Variants in RBFOX1 observed in about 807,000 individuals in gnomAD.
RBFOX1 encodes RNA binding fox-1 homolog 1, also known as RNA binding protein fox-1 homolog 1.
RBFOX1 carries 8 observed loss-of-function variants against 57.7 expected under a neutral mutation model. The ratio of observed to expected loss-of-function variants is 0.14; its 90% CI spans 0.08 to 0.25. The LOEUF is 0.25. Ranked by LOEUF, RBFOX1 falls within the 10% of genes least tolerant of loss-of-function variation. RBFOX1 has a pLI of 1.00. For synonymous variants in RBFOX1, 326 were observed against 222.4 expected, an observed-to-expected ratio of 1.47 and a Z score of -4.15; for missense variants, 611 against 548.5, an observed-to-expected ratio of 1.11 and a Z score of -1.14.
rs191172834 is a variant in RBFOX1 at position 7,451,667 on chromosome 16, G to T, written c.28-66480G>T. The stretch of plus-strand genomic sequence containing the variant: ...AAACCTACCTGTCTTTAAATGAGTT[G>T]TTGGCTGCCCCTCCCCCCGCCCCGT... On this transcript the variant is annotated intron_variant, in intron 4 of 15. Coordinates refer to ENST00000550418, the MANE Select transcript of RBFOX1 (RefSeq NM_018723.4). 2.2e-3 allele frequency among the ~76,000 whole-genome samples: 337 copies of T among 151,478 alleles called. 4 individuals carry two copies. The highest frequency in any genetic ancestry group is 7.5e-3 in the African/African-American group (310 of 41,122).
intron 3 of RBFOX1, among the ~76,000 whole-genome samples, chr16:6,898,073 G>T (rs2067407807): frequency 6.6e-6 from 1 of 152,310 alleles, no homozygotes; most frequent in African/African-American, 2.4e-5. Flanking sequence ...ATACTTGGCA[G>T]TTATTTCAAA....
intron 2 of RBFOX1, among the ~76,000 whole-genome samples, chr16:5,553,086 A>T (rs145177580): frequency 1.3e-5 from 2 of 152,254 alleles, no homozygotes; most frequent in African/African-American, 4.8e-5. Context: ...GAACAATGAG[A>T]TCACTTGGAC....
At chr16:5,570,940 T>G (rs1193399641) in intron 2 of RBFOX1, among the ~76,000 whole-genome samples, 1 of 152,158 alleles carries the variant, frequency 6.6e-6, no homozygotes, top group Non-Finnish European at 1.5e-5. Flanking sequence ...GATGCTGAGT[T>G]TGATATTAGC....
intron 3 of RBFOX1, among the ~76,000 whole-genome samples, chr16:6,944,821 C>T (rs1299124105): frequency 2.6e-5 from 4 of 152,198 alleles, no homozygotes; most frequent in African/African-American, 9.6e-5. Flanking sequence ...GACTGGAGGG[C>T]TTTGGGTATG....
intron 1 of RBFOX1, among the ~76,000 whole-genome samples, chr16:5,447,996 C>T (rs1039604789): frequency 1.3e-5 from 2 of 152,160 alleles, no homozygotes; most frequent in Non-Finnish European, 2.9e-5. Flanking sequence ...TCAGCTCTCA[C>T]TTCCTGTTTA....
chr16:6,207,245 C>T (rs1036241139), intron 1 of RBFOX1, among the ~76,000 whole-genome samples: 1 of 152,124 alleles, frequency 6.6e-6, no homozygotes, highest in Admixed American at 6.6e-5. Flanking sequence ...TCTCCTTGTT[C>T]AGTGAAGCAT....
intron 3 of RBFOX1, among the ~76,000 whole-genome samples, chr16:6,703,728 A>G (rs1054285441): frequency 1.3e-5 from 2 of 152,084 alleles, no homozygotes; most frequent in Non-Finnish European, 1.5e-5. Context: ...AAGAAAAGAA[A>G]AAAGAAAGTG....
chr16:5,413,111 G>A (rs1334678580), intron 1 of RBFOX1, among the ~76,000 whole-genome samples: 7 of 152,132 alleles, frequency 4.6e-5, no homozygotes, highest in Admixed American at 1.3e-4. Context: ...CGATGCTTAC[G>A]GTTTCTTTAT....
chr16:5,722,218 GTTA>G (rs934699899), intron 3 of RBFOX1, among the ~76,000 whole-genome samples: 8 of 152,048 alleles, frequency 5.3e-5, no homozygotes, highest in African/African-American at 1.9e-4. Flanking sequence ...AACTGTTGTC[GTTA>G]TTGTTTCCTT....
In RBFOX1 at chr16:5,795,433, A is replaced by T. The variant is rs151220187; in HGVS notation, c.319-71870A>T. On this transcript the variant is annotated intron_variant, in intron 3 of 19. Transcript: ENST00000641259. ...ATCCTCCTGCCTCAGCCTCCCGAGTAGTGGGACCACAGGCACCTACCACCG... is the reference window on the plus strand; with the variant it reads ...ATCCTCCTGCCTCAGCCTCCCGAGTTGTGGGACCACAGGCACCTACCACCG... Among the ~76,000 whole-genome samples, 12 of 152,030 alleles carry T rather than the reference A, an allele frequency of 7.9e-5. No individual in the cohort carries two copies. In the East Asian group the frequency reaches 2.3e-3, roughly 30 times the overall value.
chr16:7,643,768 C>G (rs1486500966), intron 11 of RBFOX1, among the ~76,000 whole-genome samples: 2 of 152,264 alleles, frequency 1.3e-5, no homozygotes, highest in East Asian at 1.9e-4. Flanking sequence ...GTGGTGATCC[C>G]TATGGCCGGC....
At chr16:6,029,074 G>A (rs564998206) in intron 1 of RBFOX1, among the ~76,000 whole-genome samples, 2 of 152,242 alleles carry the variant, frequency 1.3e-5, no homozygotes, top group South Asian at 2.1e-4. Context: ...ACAGACTTCC[G>A]AGCTAGTCAC....
chr16:5,886,317 G>A (rs949640403), intron 4 of RBFOX1, among the ~76,000 whole-genome samples: 1 of 152,124 alleles, frequency 6.6e-6, no homozygotes, highest in African/African-American at 2.4e-5. Flanking sequence ...GTGGTTATGA[G>A]GATTAAATAA....
intron 3 of RBFOX1, among the ~76,000 whole-genome samples, chr16:5,693,630 G>A (rs1366111025): frequency 6.6e-6 from 1 of 152,154 alleles, no homozygotes; most frequent in Non-Finnish European, 1.5e-5. Flanking sequence ...CAGTGTGGGT[G>A]TTTGTGAAAG....
chr16:6,772,426 G>A (rs1357615542), intron 3 of RBFOX1, among the ~76,000 whole-genome samples: 1 of 95,848 alleles, frequency 1.0e-5, no homozygotes, highest in Admixed American at 1.0e-4. Context: ...GCGCACGTGC[G>A]TGTGTGTGTG....
intron 3 of RBFOX1, among the ~76,000 whole-genome samples, chr16:6,798,177 C>T (rs1158943691): frequency 6.6e-6 from 1 of 152,162 alleles, no homozygotes; most frequent in Non-Finnish European, 1.5e-5. Flanking sequence ...CGTTTCTAGT[C>T]TCTTCTCTGG....
intron 1 of RBFOX1, among the ~76,000 whole-genome samples, chr16:5,321,650 G>C (rs2064411540): frequency 6.6e-6 from 1 of 152,162 alleles, no homozygotes; most frequent in Non-Finnish European, 1.5e-5. Flanking sequence ...CTAGGTTCTG[G>C]GTGGGTGATT....
At chr16:7,326,573 C>T (rs2096614635) in intron 4 of RBFOX1, among the ~76,000 whole-genome samples, 1 of 152,128 alleles carries the variant, frequency 6.6e-6, no homozygotes, top group South Asian at 2.1e-4. Flanking sequence ...CTAGCACTTT[C>T]TGGATGCCTT....
chr16:5,894,050 A>T (rs1387376211), intron 4 of RBFOX1, among the ~76,000 whole-genome samples: 8 of 152,036 alleles, frequency 5.3e-5, no homozygotes, highest in Admixed American at 4.6e-4. Context: ...TCCACTGGGG[A>T]ATGATGGTGG....
Sources: allele counts gnomAD v4.1 joint callset (sites outside exome capture counted in the v4.1 genomes callset), GRCh38; gene constraint gnomAD v4.1.1; transcripts MANE v1.5; gene names NCBI Gene and HGNC (gene_info 2026-07-23, HGNC 2026-07-21).